The following COL4A3 variants were observed in gnomAD, a reference collection of about 807,000 sequenced individuals.
COL4A3 encodes collagen alpha-3(IV) chain.
COL4A3 carries 135 observed loss-of-function variants against 217.4 expected under a neutral mutation model. That is an observed-to-expected ratio of 0.62 (90% CI 0.54 to 0.72). The LOEUF (loss-of-function observed/expected upper bound fraction) is 0.72, where lower values mean the gene tolerates loss of function less well. COL4A3 is among the 30% of genes least tolerant of loss of function. COL4A3 has a pLI of 0.00. For synonymous variants in COL4A3, 690 were observed against 736.3 expected (o/e 0.94, Z 1.02); for missense variants, 1,868 against 2,119.9 (o/e 0.88, Z 2.33).
chr2:227,224,736 C>G (rs530113474), intron 1 of COL4A3, among the ~76,000 whole-genome samples: 1 of 144,910 alleles, frequency 6.9e-6, no homozygotes, highest in Non-Finnish European at 1.5e-5. Flanking sequence ...GCCTGGGCAA[C>G]AAAAGTGAAA....
chr2:227,197,565 T>C (rs2066530162), intron 1 of COL4A3, among the ~76,000 whole-genome samples: 1 of 152,236 alleles, frequency 6.6e-6, no homozygotes, highest in Non-Finnish European at 1.5e-5. Flanking sequence ...AGTAGTATTA[T>C]TCCAGAAATG....
chr2:227,273,096 C>T lies in COL4A3; in HGVS notation c.1906C>T (p.Pro636Ser), dbSNP rs763801141. The T allele has an allele frequency of 6.2e-7, 1 of 1,613,768 alleles. No individual in the cohort carries two copies. The highest frequency in any genetic ancestry group is 8.5e-7 in the Non-Finnish European group (1 of 1,179,998). Reference sequence around the variant, plus strand: ...GGGCACGCAAGGAGTTCCTGGAGCCCCCGGACCACCCGGAGAAGCCGGTTG... The same window carrying T: ...GGGCACGCAAGGAGTTCCTGGAGCCTCCGGACCACCCGGAGAAGCCGGTTG... ...LQGTQGVPGA[P>S]GPPGEAGPRG... is the part of the protein sequence containing the mutation. The change falls in exon 26 of 52, where the codon CCC (proline) becomes TCC (serine). Residue 636 changes from proline (P) to serine (S), a missense_variant. Around this residue, in one of 2 missense-constraint regions of COL4A3, gnomAD observed 1,503 missense variants for 1,786.1 expected, o/e 0.84. Transcript: ENST00000396578.
chr2:227,247,895 C>T (rs187078091), intron 8 of COL4A3, among the ~76,000 whole-genome samples: 22 of 152,208 alleles, frequency 1.4e-4, no homozygotes, highest in Admixed American at 1.2e-3. Context: ...TTTTTGGTAT[C>T]TTGGGAAATG....
chr2:227,168,997 G>A (rs957276672), intron 1 of COL4A3, among the ~76,000 whole-genome samples: 6 of 150,582 alleles, frequency 4.0e-5, no homozygotes, highest in South Asian at 2.1e-4. Context: ...CCATTAACTC[G>A]TCATTTAGCA....
chr2:227,184,067 C>G (rs2065938527), intron 1 of COL4A3, among the ~76,000 whole-genome samples: 2 of 152,292 alleles, frequency 1.3e-5, no homozygotes, highest in African/African-American at 4.8e-5. Context: ...ACTTCTGTTG[C>G]TTGCCACCTC....
rs2066976207 is a variant in COL4A3, at chr2:227,203,725, G to C, written c.88-34243G>C. ...TATATGTGTATATATACATATATGT[G>C]TGTATATATGTGTATATATACATAT... On this transcript the variant is annotated intron_variant, in intron 1 of 51. Transcript: ENST00000396578. Among the ~76,000 whole-genome samples, 4 of 70,248 alleles carry C rather than the reference G, an allele frequency of 5.7e-5. 1 individual carries two copies. The highest frequency in any genetic ancestry group is 1.5e-4 in the Admixed American group (1 of 6,516). 46.1% of individuals were successfully genotyped at this position (70,248 alleles called of 152,430 possible). A position where few individuals can be genotyped will look rare whatever the true frequency, so the allele number is the denominator to read the frequency against.
intron 1 of COL4A3, among the ~76,000 whole-genome samples, chr2:227,202,747 AT>A (rs1214588636): frequency 0.036 from 577 of 15,854 alleles, 26 homozygotes; most frequent in African/African-American, 0.16. Flanking sequence ...AAAAAAAAAA[AT>A]ATATATATAT....
Position 227,293,196 on chromosome 2 carries a change from TC to T in COL4A3, c.3218del (p.Pro1073GlnfsTer81). On this transcript the variant is annotated frameshift_variant, in exon 38 of 52. Coordinates refer to ENST00000396578, the MANE Select transcript of COL4A3 (RefSeq NM_000091.5). LOFTEE classifies it high-confidence loss of function. ...RPGPPGPTGD[P>X]GLPGDMGKKG... ...GGTATTTGACTACATTTAAGGGGGATCCAGGACTGCCGGGTGATATGGGAAA... is the reference window on the plus strand; with the variant it reads ...GGTATTTGACTACATTTAAGGGGGATCAGGACTGCCGGGTGATATGGGAAA... 1 of 1,613,906 alleles carries T rather than the reference TC, an allele frequency of 6.2e-7. No homozygotes were observed. The highest frequency in any genetic ancestry group is 8.5e-7 in the Non-Finnish European group (1 of 1,180,020).
intron 1 of COL4A3, among the ~76,000 whole-genome samples, chr2:227,224,042 G>A (rs1467818154): frequency 6.6e-6 from 1 of 152,174 alleles, no homozygotes; most frequent in Non-Finnish European, 1.5e-5. Flanking sequence ...AAGTCAACAT[G>A]AAGCAGAGCC....
intron 1 of COL4A3, chr2:227,228,555 G>C (rs1248827640): frequency 1.3e-5 from 2 of 152,504 alleles, no homozygotes; most frequent in Non-Finnish European, 2.9e-5. Context: ...GGCTGGGCTG[G>C]GCTGCGGGAG....
Position 227,280,935 on chromosome 2 carries a change from C to T in COL4A3, c.2417C>T (p.Pro806Leu), listed in dbSNP as rs775865576. 5.7e-6 allele frequency: 9 copies of T among 1,566,170 alleles called. No individual in the cohort carries two copies. The highest frequency in any genetic ancestry group is 3.7e-5 in the Admixed American group (2 of 53,498). The change falls in exon 31 of 52, where the codon CCA (proline) becomes CTA (leucine). Residue 806 changes from proline (P) to leucine (L), a missense_variant. Around this residue, in one of 2 missense-constraint regions of COL4A3, gnomAD observed 1,503 missense variants for 1,786.1 expected, o/e 0.84. Transcript: ENST00000396578. The part of the protein sequence containing the change: ...QPGPPGEQGP[P>L]GRCIEGPRGA... ...GGACCACCTGGAGAACAAGGACCCC[C>T]AGGAAGGTGCATAGAGGGTCCCAGG...
At chr2:227,239,939 T>C (rs192337505) in intron 2 of COL4A3, among the ~76,000 whole-genome samples, 160 of 152,334 alleles carry the variant, frequency 1.1e-3, no homozygotes, top group African/African-American at 3.7e-3. Context: ...CTTTCAAGCC[T>C]ATAGACAAAT....
intron 1 of COL4A3, among the ~76,000 whole-genome samples, chr2:227,216,946 CA>C (rs2067549123): frequency 6.6e-6 from 1 of 152,066 alleles, no homozygotes; most frequent in Non-Finnish European, 1.5e-5. Flanking sequence ...ATCCTGTGTC[CA>C]AATGGTATCC....
chr2:227,295,310 G>A lies in COL4A3; in HGVS notation c.3559G>A (p.Ala1187Thr). 3 of 1,614,074 alleles carry A rather than the reference G, an allele frequency of 1.9e-6. No homozygotes were observed. The highest frequency in any genetic ancestry group is 2.5e-6 in the Non-Finnish European group (3 of 1,179,904). Residue 1187 changes from alanine (A) to threonine (T), a missense_variant, in exon 41 of 52, where the codon GCT becomes ACT. Ala to Thr is a moderately conservative substitution (Grantham distance 58). Around this residue, in one of 2 missense-constraint regions of COL4A3, gnomAD observed 1,503 missense variants for 1,786.1 expected, o/e 0.84. Transcript: ENST00000396578. ...APPGPRGNPG[A>T]QGAKGDRGAP... The stretch of plus-strand genomic sequence containing the variant: ...TCCAGGCCCAAGAGGGAACCCTGGT[G>A]CTCAAGGTAAGCAGTTCTTCTTCCC...
At chr2:227,216,325 C>T (rs12469327) in intron 1 of COL4A3, among the ~76,000 whole-genome samples, 11,582 of 152,108 alleles carry the variant, frequency 0.076, 666 homozygotes, top group Admixed American at 0.13. Context: ...GGTATATAAA[C>T]GCCACCCTTT....
intron 27 of COL4A3, among the ~76,000 whole-genome samples, 183 bp from the exon 28 acceptor site, chr2:227,277,266 C>T (rs970714911): frequency 2.7e-5 from 4 of 148,820 alleles, no homozygotes; most frequent in African/African-American, 9.9e-5. Flanking sequence ...TTGCAATGAG[C>T]TGAGATAGCG....
rs145522906 is a variant in COL4A3, at chr2:227,280,205, C to G, written c.2224-235C>G. On this transcript the variant is annotated intron_variant, in intron 29 of 51. Transcript: ENST00000396578. The stretch of plus-strand genomic sequence containing the variant: ...GAAAAACTATCAAAAGTAAAAACAT[C>G]TAGATTTTTCTCTTTATAGACAATC... Among the ~76,000 whole-genome samples, 134 of 152,202 alleles carry G rather than the reference C, an allele frequency of 8.8e-4. No homozygotes were observed. In the East Asian group the frequency reaches 0.025, roughly 28 times the overall value.
chr2:227,237,220 TTC>T (rs2068750883), intron 1 of COL4A3, among the ~76,000 whole-genome samples: 1 of 152,244 alleles, frequency 6.6e-6, no homozygotes, highest in Non-Finnish European at 1.5e-5. Context: ...AGAAAGAACA[TTC>T]TGATACTAGC....
chr2:227,287,939 C>T (rs527257402), intron 34 of COL4A3, among the ~76,000 whole-genome samples: 2 of 152,250 alleles, frequency 1.3e-5, no homozygotes, highest in South Asian at 2.1e-4. Context: ...ATGCTCCATC[C>T]ATATGTGAAT....
Sources: allele counts gnomAD v4.1 joint callset (sites outside exome capture counted in the v4.1 genomes callset), GRCh38; gene constraint gnomAD v4.1.1; regional missense constraint gnomAD v4.1.1; transcripts MANE v1.5; gene names NCBI Gene and HGNC (gene_info 2026-07-23, HGNC 2026-07-21).